SUCLG2: variants seen among roughly 807,000 people sequenced by gnomAD.
The protein encoded by SUCLG2 is succinate-CoA ligase GDP-forming subunit beta, also known as succinate--CoA ligase [GDP-forming] subunit beta, mitochondrial.
In SUCLG2, 42 loss-of-function variants were observed where a neutral mutation model predicts 47.9. That is an observed-to-expected ratio of 0.88 (90% confidence interval 0.69 to 1.14). SUCLG2 has a LOEUF of 1.14. SUCLG2 is among the 50% of genes most tolerant of loss of function. The pLI is 0.00. For synonymous variants in SUCLG2, 195 were observed against 197.3 expected (o/e 0.99, Z 0.10); for missense variants, 571 against 525.9 (o/e 1.09, Z -0.84).
At chr3:67,551,283 G>A (rs1013785834) in intron 2 of SUCLG2, among the ~76,000 whole-genome samples, 1 of 152,184 alleles carries the variant, frequency 6.6e-6, no homozygotes, top group Non-Finnish European at 1.5e-5. Flanking sequence ...TGTAAAATGA[G>A]TACCTCTGGA....
At chr3:67,615,615 A>AACAC (rs1286300271) in intron 1 of SUCLG2, among the ~76,000 whole-genome samples, 3 of 84,430 alleles carry the variant, frequency 3.6e-5, no homozygotes, top group African/African-American at 1.6e-4. Flanking sequence ...CACAAACACA[A>AACAC]ACACAAACAC....
chr3:67,626,025 T>TATATACA (rs55738024), intron 1 of SUCLG2, among the ~76,000 whole-genome samples: 29 of 69,548 alleles, frequency 4.2e-4, no homozygotes, highest in African/African-American at 1.4e-3. Flanking sequence ...TATATTTACA[T>TATATACA]TTTTTTTTTT....
At chr3:67,571,016 T>C (rs145964061) in intron 2 of SUCLG2, among the ~76,000 whole-genome samples, 1 of 152,310 alleles carries the variant, frequency 6.6e-6, no homozygotes, top group African/African-American at 2.4e-5. Context: ...TAATTCCATG[T>C]AGGGATGAAA....
At chr3:67,500,650 A>G (rs1308941116) in intron 7 of SUCLG2, among the ~76,000 whole-genome samples, 14 of 152,174 alleles carry the variant, frequency 9.2e-5, no homozygotes, top group South Asian at 2.1e-4. Flanking sequence ...TAAAAAAGCA[A>G]CTTCGTACAT....
intron 2 of SUCLG2, among the ~76,000 whole-genome samples, chr3:67,558,282 A>G (rs1707213245): frequency 6.6e-6 from 1 of 151,758 alleles, no homozygotes; most frequent in Non-Finnish European, 1.5e-5. Flanking sequence ...GAGTAGCCAT[A>G]TGGTGCCTCA....
Position 67,498,224 on chromosome 3 carries a change from C to T in SUCLG2, c.829G>A (p.Asp277Asn), listed in dbSNP as rs1306371175. Reference sequence around the variant, plus strand: ...ATGGGCTCATTCTCTGATTTGTCGTCCATAGCAAATATGTCTTTTTGTCGG... The same window carrying T: ...ATGGGCTCATTCTCTGATTTGTCGTTCATAGCAAATATGTCTTTTTGTCGG... ...EFRQKDIFAMDDKSENEPIEN... is the reference protein window; with the variant it reads ...EFRQKDIFAMNDKSENEPIEN... The change falls in exon 8 of 11, where the codon GAC becomes AAC. Residue 277 changes from aspartate to asparagine, a missense_variant. Coordinates refer to ENST00000307227, the MANE Select transcript of SUCLG2 (RefSeq NM_003848.4). 8.7e-6 allele frequency: 14 copies of T among 1,613,746 alleles called. No homozygotes were observed. The highest frequency in any genetic ancestry group is 3.3e-5 in the Admixed American group (2 of 59,978).
rs569395907 is a variant in SUCLG2, at chr3:67,428,511, T to G, written c.1063-27660A>C. Among the ~76,000 whole-genome samples the G allele has an allele frequency of 1.2e-3, 178 of 152,260 alleles. 1 individual carries two copies. The highest frequency in any genetic ancestry group is 1.8e-3 in the Non-Finnish European group (121 of 68,022). On this transcript the variant is annotated intron_variant, in intron 9 of 10. Transcript: ENST00000307227. ...TGGTGAGAAACCAGAGCAGAAAAGC[T>G]GAAAATTCTAAAAATCAGAGCATCT...
At chr3:67,632,013 A>C (rs1216353620) in intron 1 of SUCLG2, among the ~76,000 whole-genome samples, 2 of 152,226 alleles carry the variant, frequency 1.3e-5, no homozygotes, top group Non-Finnish European at 2.9e-5. Flanking sequence ...CCCAGGGCTA[A>C]CAGTTCAGTA....
chr3:67,508,269 T>C (rs1013538120), intron 7 of SUCLG2, among the ~76,000 whole-genome samples: 2 of 152,088 alleles, frequency 1.3e-5, no homozygotes, highest in African/African-American at 4.8e-5. Context: ...ACTAAAGACG[T>C]TCGAAAAGTT....
Position 67,508,914 on chromosome 3 carries a change from T to C in SUCLG2, c.661-11A>G. The C allele has an allele frequency of 6.3e-7, 1 of 1,577,556 alleles. No individual in the cohort carries two copies. The highest frequency in any genetic ancestry group is 1.4e-5 in the African/African-American group (1 of 73,418). On this transcript the variant is annotated splice_polypyrimidine_tract_variant and intron_variant, in intron 6 of 10. Coordinates refer to ENST00000307227, the MANE Select transcript of SUCLG2 (RefSeq NM_003848.4). ...AATTTGATCTGCAGCCTAAATGTGA[T>C]CAAGTGAAATAGAATTACACCAAAG...
chr3:67,363,594 A>T lies in SUCLG2; in HGVS notation c.1184-2826T>A, dbSNP rs1413341639. 2.0e-5 allele frequency among the ~76,000 whole-genome samples: 3 copies of T among 152,364 alleles called. No homozygotes were observed. In the East Asian group the frequency reaches 5.8e-4, roughly 29 times the overall value. ...CATCTCTCTATCTAGGCATTGAAAAATCAATGAAAGAAAGCATACCAAGAT... is the reference window on the plus strand; with the variant it reads ...CATCTCTCTATCTAGGCATTGAAAATTCAATGAAAGAAAGCATACCAAGAT... On this transcript the variant is annotated intron_variant, in intron 10 of 10. Transcript: ENST00000493112.
At chr3:67,531,637 A>C (rs968504117) in intron 2 of SUCLG2, among the ~76,000 whole-genome samples, 3 of 152,152 alleles carry the variant, frequency 2.0e-5, no homozygotes, top group African/African-American at 7.2e-5. Flanking sequence ...AAAGACAACA[A>C]CCTACGCACA....
chr3:67,363,758 C>A (rs1013984269), intron 10 of SUCLG2, among the ~76,000 whole-genome samples: 3 of 152,156 alleles, frequency 2.0e-5, no homozygotes, highest in East Asian at 3.9e-4. Context: ...GCAAACAGAT[C>A]AAAGAGAGAA....
chr3:67,447,946 C>T (rs769696363), intron 9 of SUCLG2, among the ~76,000 whole-genome samples: 5 of 152,168 alleles, frequency 3.3e-5, no homozygotes, highest in African/African-American at 7.2e-5. Context: ...CCAGGCTGGT[C>T]TCAAACTCCT....
chr3:67,491,094 G>C (rs913781346), intron 9 of SUCLG2, among the ~76,000 whole-genome samples: 1 of 152,012 alleles, frequency 6.6e-6, no homozygotes. Flanking sequence ...GGCCCAGGCG[G>C]GAGGACCCCT....
At chr3:67,364,681 A>T (rs759962870) in intron 10 of SUCLG2, among the ~76,000 whole-genome samples, 1 of 152,234 alleles carries the variant, frequency 6.6e-6, no homozygotes, top group Non-Finnish European at 1.5e-5. Context: ...GCTGGAGCAG[A>T]GTTAGAGGAA....
At chr3:67,581,312 T>A (rs925325210) in intron 2 of SUCLG2, among the ~76,000 whole-genome samples, 16 of 152,160 alleles carry the variant, frequency 1.1e-4, no homozygotes, top group African/African-American at 3.6e-4. Flanking sequence ...ATACTGAAAA[T>A]AAGACTTGGT....
At chr3:67,367,456 T>C (rs1037544596) in intron 10 of SUCLG2, among the ~76,000 whole-genome samples, 8 of 152,190 alleles carry the variant, frequency 5.3e-5, no homozygotes, top group Non-Finnish European at 1.0e-4. Flanking sequence ...TTGTCTCACT[T>C]AACTTTATGC....
At chr3:67,579,873 G>A (rs1015021042) in intron 2 of SUCLG2, among the ~76,000 whole-genome samples, 7 of 151,896 alleles carry the variant, frequency 4.6e-5, no homozygotes, top group Non-Finnish European at 7.4e-5. Context: ...TGAGTTACAA[G>A]GTAAAATGGT....
Sources: gnomAD v4.1 joint callset for allele counts (sites outside exome capture counted in the v4.1 genomes callset) on GRCh38, gnomAD v4.1.1 for gene constraint, MANE v1.5 for transcripts, NCBI Gene and HGNC (gene_info 2026-07-23, HGNC 2026-07-21) for gene names.